JADE3: variants seen among roughly 807,000 people sequenced by gnomAD.
The protein encoded by JADE3 is jade family PHD finger 3.
JADE3 carries 2 observed loss-of-function variants against 50.1 expected under a neutral mutation model. The ratio of observed to expected loss-of-function variants is 0.04; its 90% CI spans 0.02 to 0.13. JADE3 has a LOEUF of 0.13. Among genes scored for constraint, JADE3 ranks in the 10% least tolerant of loss-of-function variants. The probability of loss-of-function intolerance (pLI) is 1.00; values close to 1 mark genes in which losing one functional copy is unlikely to be tolerated. For missense variants in JADE3, 475 were observed against 634.4 expected (o/e 0.75, Z 2.70); for synonymous variants, 218 against 232.9 (o/e 0.94, Z 0.58).
chrX:47,048,843 TTAA>T (rs2048637704), intron 8 of JADE3, among the ~76,000 whole-genome samples: 1 of 111,842 alleles, frequency 8.9e-6, no homozygotes, highest in Admixed American at 9.6e-5. Context: ...AAAATATATC[TTAA>T]TAAAGCTATT....
intron 1 of JADE3, among the ~76,000 whole-genome samples, chrX:46,934,383 C>G (rs1556340469): frequency 9.1e-6 from 1 of 109,990 alleles, no homozygotes; most frequent in Non-Finnish European, 1.9e-5. Context: ...ACTGCAAGCT[C>G]CGCCTCCCGG....
intron 1 of JADE3, among the ~76,000 whole-genome samples, chrX:46,964,334 C>G (rs2147121783): frequency 8.9e-6 from 1 of 111,953 alleles, no homozygotes; most frequent in African/African-American, 3.2e-5. Context: ...GAGTATGAGA[C>G]TTCTGAGGCT....
intron 1 of JADE3, among the ~76,000 whole-genome samples, chrX:46,981,090 C>G (rs151048171): frequency 9.0e-6 from 1 of 111,603 alleles, no homozygotes; most frequent in East Asian, 2.8e-4. Context: ...GAGTTCTCCC[C>G]TGTAGCCTCT....
intron 10 of JADE3, among the ~76,000 whole-genome samples, chrX:47,057,105 G>C (rs1312468532): frequency 1.8e-5 from 2 of 111,808 alleles, no homozygotes; most frequent in African/African-American, 6.5e-5. Context: ...GAGGACAACA[G>C]GGAGAGTCCC....
chrX:47,038,969 G>C lies in JADE3; in HGVS notation c.876G>C (p.Glu292Asp). ...TGTAGGTCAGCATTGCTTGTCCTGA[G>C]AGGATGGAACCGATCACGAAGATCT... ...WIPEVSIACPERMEPITKISH... is the reference protein window; with the variant it reads ...WIPEVSIACPDRMEPITKISH... The change falls in exon 8 of 11, where the codon GAG (glutamate) becomes GAC (aspartate). Residue 292 changes from glutamate to aspartate, a missense_variant. Glu to Asp is a conservative substitution (Grantham distance 45, BLOSUM62 2). This residue lies in a region of JADE3 where 54 missense variants were observed against 156.2 expected (regional missense o/e 0.35). Transcript: ENST00000614628. 7 of 1,191,340 alleles carry C rather than the reference G, an allele frequency of 5.9e-6. No homozygotes were observed. The highest frequency in any genetic ancestry group is 8.0e-6 in the Non-Finnish European group (7 of 878,103).
At chrX:46,962,794 T>G (rs1927289124) in intron 1 of JADE3, among the ~76,000 whole-genome samples, 1 of 110,362 alleles carries the variant, frequency 9.1e-6, no homozygotes, top group Non-Finnish European at 1.9e-5. Flanking sequence ...ACATTTTGAC[T>G]TGCAACAATG....
At chrX:47,037,422 TTAACA>T (rs1483595604) in intron 7 of JADE3, among the ~76,000 whole-genome samples, 3 of 112,104 alleles carry the variant, frequency 2.7e-5, no homozygotes, top group African/African-American at 9.7e-5. Flanking sequence ...GCACCATCTC[TTAACA>T]TAATAGATAC....
intron 1 of JADE3, among the ~76,000 whole-genome samples, chrX:46,953,294 G>A (rs1240059085): frequency 3.0e-5 from 3 of 99,448 alleles, no homozygotes; most frequent in Non-Finnish European, 5.9e-5. Flanking sequence ...ACCAGAACAT[G>A]TGCTCTAACC....
intron 5 of JADE3, among the ~76,000 whole-genome samples, 159 bp from the exon 6 acceptor site, chrX:47,027,733 G>A (rs902009750): frequency 1.7e-4 from 19 of 112,045 alleles, no homozygotes; most frequent in African/African-American, 5.2e-4. Context: ...TGTTAGAGTA[G>A]CACTAGCAAA....
chrX:46,952,168 C>G (rs1280525886), intron 1 of JADE3, among the ~76,000 whole-genome samples: 1 of 112,343 alleles, frequency 8.9e-6, no homozygotes, highest in African/African-American at 3.2e-5. Context: ...TGTGAGCTGG[C>G]ATTTTCATGG....
At chrX:47,038,815 A>G (rs1929192162) in intron 7 of JADE3, 134 bp from the exon 8 acceptor site, 1 of 463,853 alleles carries the variant, frequency 2.2e-6, no homozygotes, top group South Asian at 3.5e-5. Flanking sequence ...TCTTGATTCC[A>G]TATTAACCTT....
intron 8 of JADE3, among the ~76,000 whole-genome samples, chrX:47,047,699 G>GA (rs1173292524): frequency 1.8e-5 from 2 of 111,662 alleles, no homozygotes; most frequent in African/African-American, 6.5e-5. Flanking sequence ...CAGCTGCTGT[G>GA]AAAAAAGTTT....
intron 1 of JADE3, among the ~76,000 whole-genome samples, chrX:46,953,698 A>G (rs890305246): frequency 2.7e-5 from 3 of 112,089 alleles, no homozygotes; most frequent in African/African-American, 3.2e-5. Flanking sequence ...TAGCTGCACT[A>G]TTGGCTGAAT....
chrX:46,986,929 T>C (rs146781103), intron 3 of JADE3, among the ~76,000 whole-genome samples: 120 of 112,752 alleles, frequency 1.1e-3, no homozygotes, highest in Non-Finnish European at 2.0e-3. Flanking sequence ...ATTGCTACAT[T>C]ACAAATTATC....
intron 3 of JADE3, among the ~76,000 whole-genome samples, chrX:46,995,172 G>T (rs1328207076): frequency 9.2e-6 from 1 of 109,276 alleles, no homozygotes; most frequent in African/African-American, 3.3e-5. Flanking sequence ...TGGGTCTACA[G>T]GCACCCGCCA....
chrX:47,005,281 C>T (rs1271750503), intron 4 of JADE3, among the ~76,000 whole-genome samples: 1 of 111,519 alleles, frequency 9.0e-6, no homozygotes, highest in Non-Finnish European at 1.9e-5. Flanking sequence ...ATCTCTGTCG[C>T]CCAGGCTGGA....
At chrX:46,944,819 C>T (rs782358329) in intron 1 of JADE3, among the ~76,000 whole-genome samples, 17 of 110,433 alleles carry the variant, frequency 1.5e-4, no homozygotes, top group Admixed American at 7.8e-4. Context: ...TTGTACTATT[C>T]ATGCATATGT....
At chrX:46,952,820 A>C (rs1927035746) in intron 1 of JADE3, among the ~76,000 whole-genome samples, 1 of 111,684 alleles carries the variant, frequency 9.0e-6, no homozygotes, top group Non-Finnish European at 1.9e-5. Context: ...CAACATGGTG[A>C]AACCCCATCT....
At chrX:46,954,340 TGTTTG>T (rs1256319602) in intron 1 of JADE3, among the ~76,000 whole-genome samples, 1 of 111,834 alleles carries the variant, frequency 8.9e-6, no homozygotes, top group Non-Finnish European at 1.9e-5. Flanking sequence ...TTTTTGGTTT[TGTTTG>T]GTTTGGTTTT....
Sources: gnomAD v4.1 joint callset for allele counts (sites outside exome capture counted in the v4.1 genomes callset) on GRCh38, gnomAD v4.1.1 for gene constraint, gnomAD v4.1.1 regional missense constraint, MANE v1.5 for transcripts, NCBI Gene and HGNC (gene_info 2026-07-23, HGNC 2026-07-21) for gene names.